RBFOX1: variants seen among roughly 807,000 people sequenced by gnomAD.
The protein encoded by RBFOX1 is RNA binding protein fox-1 homolog 1.
A neutral mutation model predicts 57.7 loss-of-function variants in RBFOX1; 8 were observed. That is an observed-to-expected ratio of 0.14 (90% CI 0.08 to 0.25). The LOEUF is 0.25. Among genes scored for constraint, RBFOX1 ranks in the 10% least tolerant of loss-of-function variants. The probability of loss-of-function intolerance (pLI) is 1.00; values close to 1 mark genes in which losing one functional copy is unlikely to be tolerated. For missense variants in RBFOX1, 611 were observed against 548.5 expected (o/e 1.11, Z -1.14); for synonymous variants, 326 against 222.4 (o/e 1.47, Z -4.15).
intron 3 of RBFOX1, among the ~76,000 whole-genome samples, chr16:6,970,419 G>C (rs9924821): frequency 6.6e-6 from 1 of 152,126 alleles, no homozygotes; most frequent in African/African-American, 2.4e-5. Flanking sequence ...AGTCTGCTCA[G>C]GCTGCTACAT....
rs554069091 is a variant in RBFOX1, at chr16:6,907,590, G to T, written c.-15-144467G>T. ...TGTATGTTTGTTTGTTTCTGTTTTTGATGGAGTCTCACTCTGGTTGCCCAG... is the reference window on the plus strand; with the variant it reads ...TGTATGTTTGTTTGTTTCTGTTTTTTATGGAGTCTCACTCTGGTTGCCCAG... On this transcript the variant is annotated intron_variant, in intron 3 of 15. Coordinates refer to ENST00000550418, the MANE Select transcript of RBFOX1 (RefSeq NM_018723.4). Among the ~76,000 whole-genome samples, 4 of 152,154 alleles carry T rather than the reference G, an allele frequency of 2.6e-5. No homozygotes were observed. In the South Asian group the frequency reaches 6.2e-4, roughly 24 times the overall value.
At chr16:6,148,939 A>G (rs1813099393) in intron 1 of RBFOX1, among the ~76,000 whole-genome samples, 1 of 152,130 alleles carries the variant, frequency 6.6e-6, no homozygotes, top group South Asian at 2.1e-4. Context: ...TTTCATTAAA[A>G]AATTCCAAGG....
At chr16:5,289,777 A>C (rs1006423801) in intron 1 of RBFOX1, among the ~76,000 whole-genome samples, 3 of 152,256 alleles carry the variant, frequency 2.0e-5, no homozygotes, top group Admixed American at 2.0e-4. Context: ...GAGGGAGCTC[A>C]GTCTCTCAGG....
chr16:5,616,762 C>T (rs1488654324), intron 3 of RBFOX1, among the ~76,000 whole-genome samples: 4 of 148,034 alleles, frequency 2.7e-5, no homozygotes, highest in Non-Finnish European at 6.0e-5. Context: ...TCTCCTGTCC[C>T]CCCTTCTCCC....
At chr16:5,792,671 C>G (rs111720767) in intron 3 of RBFOX1, among the ~76,000 whole-genome samples, 1 of 152,012 alleles carries the variant, frequency 6.6e-6, no homozygotes, top group African/African-American at 2.4e-5. Context: ...GCTGAAACCC[C>G]GTCTCTACTA....
chr16:7,587,084 G>C (rs113946151), intron 6 of RBFOX1, among the ~76,000 whole-genome samples, 163 bp from the exon 7 acceptor site: 4,445 of 152,224 alleles, frequency 0.029, 102 homozygotes, highest in Non-Finnish European at 0.044. Context: ...AATATGGGTG[G>C]TTTTATTTTC....
chr16:7,621,018 A>G (rs1415871052), intron 10 of RBFOX1, among the ~76,000 whole-genome samples: 7 of 152,076 alleles, frequency 4.6e-5, no homozygotes, highest in Non-Finnish European at 1.0e-4. Context: ...CTGGAAGCCT[A>G]TGAGAAATGC....
intron 1 of RBFOX1, among the ~76,000 whole-genome samples, chr16:5,301,807 G>A (rs1339761399): frequency 6.6e-6 from 1 of 152,082 alleles, no homozygotes; most frequent in Non-Finnish European, 1.5e-5. Flanking sequence ...ACAAATGTTT[G>A]CTGTTTTAAG....
Position 6,613,880 on chromosome 16 carries a change from G to A in RBFOX1, c.-63-40723G>A, listed in dbSNP as rs534498428. 1.5e-4 allele frequency among the ~76,000 whole-genome samples: 23 copies of A among 152,280 alleles called. No individual in the cohort carries two copies. The South Asian group carries it at 4.6e-3, about 30-fold the overall frequency. ...TTGAATCTGGGAGGCAGAGGTTGCA[G>A]TGAGCTGAGATTGTGCCACTGCACT... is the stretch of plus-strand genomic sequence containing the variant. On this transcript the variant is annotated intron_variant, in intron 2 of 15. Transcript: ENST00000550418.
chr16:6,820,393 G>A (rs1025556077), intron 3 of RBFOX1, among the ~76,000 whole-genome samples: 2 of 152,262 alleles, frequency 1.3e-5, no homozygotes, highest in African/African-American at 4.8e-5. Context: ...CAACACAGTG[G>A]CTCCTATAAT....
chr16:6,963,692 T>C (rs1327078786), intron 3 of RBFOX1, among the ~76,000 whole-genome samples: 6 of 152,042 alleles, frequency 3.9e-5, no homozygotes, highest in Non-Finnish European at 8.8e-5. Flanking sequence ...GATTTATTTA[T>C]TTATTTTATT....
intron 3 of RBFOX1, among the ~76,000 whole-genome samples, chr16:6,923,695 A>C (rs1179196122): frequency 6.6e-6 from 1 of 152,096 alleles, no homozygotes; most frequent in Non-Finnish European, 1.5e-5. Context: ...CTTGACTGCC[A>C]TTTTCTAGCC....
intron 3 of RBFOX1, among the ~76,000 whole-genome samples, chr16:6,828,340 A>G (rs866307902): frequency 6.6e-6 from 1 of 152,092 alleles, no homozygotes; most frequent in Admixed American, 6.6e-5. Context: ...CGTGGCCAAC[A>G]TGATGAAACC....
intron 4 of RBFOX1, among the ~76,000 whole-genome samples, chr16:7,453,170 C>T (rs2057732935): frequency 6.7e-6 from 1 of 149,728 alleles, no homozygotes; most frequent in South Asian, 2.1e-4. Context: ...ATACATGCTA[C>T]ATTGTTTGGT....
intron 3 of RBFOX1, among the ~76,000 whole-genome samples, chr16:6,973,704 C>T (rs2086118619): frequency 6.6e-6 from 1 of 152,120 alleles, no homozygotes; most frequent in South Asian, 2.1e-4. Flanking sequence ...TGTGTTGAAT[C>T]ATGTTTGTGA....
At chr16:7,121,158 A>G (rs994562692) in intron 4 of RBFOX1, among the ~76,000 whole-genome samples, 2 of 152,066 alleles carry the variant, frequency 1.3e-5, no homozygotes, top group East Asian at 3.9e-4. Context: ...AGCTAATATC[A>G]TACTTATTGG....
chr16:6,880,107 C>G (rs558286819), intron 3 of RBFOX1, among the ~76,000 whole-genome samples: 7 of 152,290 alleles, frequency 4.6e-5, no homozygotes, highest in African/African-American at 1.7e-4. Context: ...GTCCCCTGAC[C>G]TTTCGAGTTA....
intron 4 of RBFOX1, among the ~76,000 whole-genome samples, chr16:5,966,471 G>A (rs921138072): frequency 1.3e-5 from 2 of 152,078 alleles, no homozygotes; most frequent in African/African-American, 4.8e-5. Flanking sequence ...TTTTGTTTTT[G>A]TTTTGAGGTA....
chr16:6,610,712 G>T (rs539489647), intron 2 of RBFOX1, among the ~76,000 whole-genome samples: 123 of 152,232 alleles, frequency 8.1e-4, no homozygotes, highest in African/African-American at 2.8e-3. Flanking sequence ...ATTGCGAAGT[G>T]GTCTTGTTAC....
Sources: gnomAD v4.1 joint callset for allele counts (sites outside exome capture counted in the v4.1 genomes callset) on GRCh38, gnomAD v4.1.1 for gene constraint, MANE v1.5 for transcripts, NCBI Gene and HGNC (gene_info 2026-07-23, HGNC 2026-07-21) for gene names.